The following PEPD variants were observed in gnomAD, a reference collection of about 807,000 sequenced individuals.
PEPD encodes peptidase D.
A neutral mutation model predicts 60.7 loss-of-function variants in PEPD; 53 were observed. The ratio of observed to expected loss-of-function variants is 0.87; its 90% confidence interval spans 0.70 to 1.10. The LOEUF (loss-of-function observed/expected upper bound fraction) is 1.10, where lower values mean the gene tolerates loss of function less well. Ranked by LOEUF, PEPD falls within the 50% of genes least tolerant of loss-of-function variation. The pLI, the probability that PEPD is intolerant of heterozygous loss-of-function variation, is 0.00. For missense variants in PEPD, 711 were observed against 711.9 expected (o/e 1.00, Z 0.01); for synonymous variants, 267 against 284.1 (o/e 0.94, Z 0.60).
intron 3 of PEPD, among the ~76,000 whole-genome samples, chr19:33,504,504 C>T (rs996244584): frequency 4.6e-5 from 7 of 152,242 alleles, no homozygotes; most frequent in Non-Finnish European, 1.0e-4. Flanking sequence ...TGGCTCACGC[C>T]TGTAATCCCA....
chr19:33,500,672 T>C (rs994662929), intron 4 of PEPD, among the ~76,000 whole-genome samples: 3 of 152,038 alleles, frequency 2.0e-5, no homozygotes, highest in Non-Finnish European at 4.4e-5. Flanking sequence ...TCATGTAATC[T>C]CAGCGGCCAC....
At chr19:33,443,243 C>T (rs1285139565) in intron 9 of PEPD, among the ~76,000 whole-genome samples, 1 of 152,194 alleles carries the variant, frequency 6.6e-6, no homozygotes, top group Non-Finnish European at 1.5e-5. Context: ...TCATATGTCC[C>T]TGTGCTTCAT....
chr19:33,494,835 C>G (rs1157941054), intron 4 of PEPD, among the ~76,000 whole-genome samples: 1 of 152,202 alleles, frequency 6.6e-6, no homozygotes, highest in African/African-American at 2.4e-5. Context: ...GTAGAATACT[C>G]TCTTAATGGA....
intron 9 of PEPD, among the ~76,000 whole-genome samples, chr19:33,451,724 G>C (rs1378958217): frequency 6.6e-6 from 1 of 152,180 alleles, no homozygotes; most frequent in Non-Finnish European, 1.5e-5. Flanking sequence ...CCAGGAAAAT[G>C]TAACAACAAC....
chr19:33,494,118 T>C (rs1970551421), intron 4 of PEPD, among the ~76,000 whole-genome samples: 1 of 152,132 alleles, frequency 6.6e-6, no homozygotes. Context: ...CCAACCAGCC[T>C]GCTGGGAGCA....
In PEPD at chr19:33,388,223, G is replaced by T. The variant is rs1199074616; in HGVS notation, c.1153-142C>A. 4 of 743,706 alleles carry T rather than the reference G, an allele frequency of 5.4e-6. No homozygotes were observed. The Admixed American group carries it at 8.0e-5, about 15-fold the overall frequency. The allele number at this position is 743,706 out of a possible 1,614,324, so 46.1% of individuals were successfully genotyped here. On this transcript the variant is annotated intron_variant, in intron 13 of 14. Coordinates refer to ENST00000244137, the MANE Select transcript of PEPD (RefSeq NM_000285.4). Reference sequence around the variant, plus strand: ...GGGTCCTCAGCCTAGACTCGCCCCTGCTGTGCTGGGCCATGGGCACCCTGA... The same window carrying T: ...GGGTCCTCAGCCTAGACTCGCCCCTTCTGTGCTGGGCCATGGGCACCCTGA...
At chr19:33,461,777 CAGA>C (rs1969930194) in intron 9 of PEPD, among the ~76,000 whole-genome samples, 1 of 152,212 alleles carries the variant, frequency 6.6e-6, no homozygotes, top group African/African-American at 2.4e-5. Context: ...CACCGCACTG[CAGA>C]AGGAGACCAC....
chr19:33,456,190 C>A (rs961486934), intron 9 of PEPD, among the ~76,000 whole-genome samples: 7 of 152,078 alleles, frequency 4.6e-5, no homozygotes, highest in South Asian at 2.1e-4. Flanking sequence ...CTGGCTCTGT[C>A]GAATCTCTGG....
rs116231827 is a variant in PEPD at position 33,496,672 on chromosome 19, A to C, written c.394-3335T>G. On this transcript the variant is annotated intron_variant, in intron 4 of 14. Transcript: ENST00000244137. Reference sequence around the variant, plus strand: ...TTCCACGGAGTGGTGGCCACTGGGGACCTCTCACACCCTGCGCTGTTAAAT... The same window carrying C: ...TTCCACGGAGTGGTGGCCACTGGGGCCCTCTCACACCCTGCGCTGTTAAAT... Among the ~76,000 whole-genome samples the C allele has an allele frequency of 6.3e-4, 95 of 149,894 alleles. 1 individual carries two copies. The highest frequency in any genetic ancestry group is 2.3e-3 in the African/African-American group (90 of 39,576).
intron 6 of PEPD, among the ~76,000 whole-genome samples, chr19:33,488,152 T>C (rs1179488162): frequency 6.6e-6 from 1 of 152,050 alleles, no homozygotes; most frequent in Non-Finnish European, 1.5e-5. Context: ...CACTGACATC[T>C]GGGAAACTGG....
At chr19:33,433,227 T>C (rs910843413) in intron 9 of PEPD, among the ~76,000 whole-genome samples, 2 of 152,070 alleles carry the variant, frequency 1.3e-5, no homozygotes, top group African/African-American at 4.8e-5. Flanking sequence ...AAGGAAGAGG[T>C]TTCTTTATAA....
intron 3 of PEPD, among the ~76,000 whole-genome samples, chr19:33,507,902 G>A (rs993908502): frequency 7.2e-5 from 11 of 152,110 alleles, no homozygotes; most frequent in African/African-American, 2.7e-4. Flanking sequence ...GGGTGGCTGT[G>A]GTAGGGAGCC....
chr19:33,488,305 T>A (rs2145313830), intron 6 of PEPD, among the ~76,000 whole-genome samples: 1 of 152,050 alleles, frequency 6.6e-6, no homozygotes, highest in East Asian at 1.9e-4. Context: ...GTGAGCATGA[T>A]CTCCTCCAGT....
chr19:33,496,215 G>A (rs1009837443), intron 4 of PEPD, among the ~76,000 whole-genome samples: 20 of 152,138 alleles, frequency 1.3e-4, no homozygotes, highest in African/African-American at 3.9e-4. Flanking sequence ...ATCTGCTATC[G>A]TCTTGGGAGG....
intron 9 of PEPD, among the ~76,000 whole-genome samples, chr19:33,451,282 T>G (rs1244023513): frequency 2.6e-5 from 4 of 152,368 alleles, no homozygotes; most frequent in Admixed American, 2.6e-4. Flanking sequence ...AAAACTATGC[T>G]AAGTTTCTAA....
At chr19:33,443,291 G>T (rs1413324233) in intron 9 of PEPD, among the ~76,000 whole-genome samples, 1 of 152,204 alleles carries the variant, frequency 6.6e-6, no homozygotes, top group Non-Finnish European at 1.5e-5. Flanking sequence ...CGTATGGCTA[G>T]ACTGCACACC....
At chr19:33,445,288 C>A (rs1969571297) in intron 9 of PEPD, among the ~76,000 whole-genome samples, 1 of 152,222 alleles carries the variant, frequency 6.6e-6, no homozygotes, top group Non-Finnish European at 1.5e-5. Context: ...AGGCACCAGG[C>A]CTCGTTTCTC....
intron 9 of PEPD, among the ~76,000 whole-genome samples, chr19:33,438,243 C>T (rs4805887): frequency 0.04 from 6,023 of 152,300 alleles, 309 homozygotes; most frequent in Admixed American, 0.16. Context: ...GGGCCCAGAA[C>T]GACTCCCCAC....
chr19:33,496,510 A>G (rs1421132983), intron 4 of PEPD, among the ~76,000 whole-genome samples: 1 of 152,102 alleles, frequency 6.6e-6, no homozygotes, highest in Admixed American at 6.5e-5. Context: ...ATGGAGACCC[A>G]TTAGTGCTAC....
Sources: allele counts gnomAD v4.1 joint callset (sites outside exome capture counted in the v4.1 genomes callset), GRCh38; gene constraint gnomAD v4.1.1; transcripts MANE v1.5; gene names NCBI Gene and HGNC (gene_info 2026-07-23, HGNC 2026-07-21).